The following RORA variants were observed in gnomAD, a reference collection of about 807,000 sequenced individuals.
RORA encodes the protein RAR related orphan receptor A, also known as nuclear receptor ROR-alpha.
In RORA, 7 loss-of-function variants were observed where a neutral mutation model predicts 69.5. The ratio of observed to expected loss-of-function variants is 0.10; its 90% CI spans 0.06 to 0.19. RORA has a LOEUF of 0.19. Ranked by LOEUF, RORA falls within the 10% of genes least tolerant of loss-of-function variation. The pLI, the probability that RORA is intolerant of heterozygous loss-of-function variation, is 1.00. For synonymous variants in RORA, 261 were observed against 240.8 expected, an observed-to-expected ratio of 1.08 and a Z score of -0.78; for missense variants, 457 against 663.0, an observed-to-expected ratio of 0.69 and a Z score of 3.41.
chr15:60,823,568 A>T (rs940491045), intron 1 of RORA, among the ~76,000 whole-genome samples: 16 of 152,222 alleles, frequency 1.1e-4, no homozygotes, highest in Admixed American at 1.3e-4. Flanking sequence ...ATGGATGGAT[A>T]GACATTAGGT....
intron 1 of RORA, among the ~76,000 whole-genome samples, chr15:61,050,989 T>A (rs1897266120): frequency 6.6e-6 from 1 of 152,186 alleles, no homozygotes; most frequent in Non-Finnish European, 1.5e-5. Flanking sequence ...TCCTCTGCAT[T>A]TCCCCAGAGG....
chr15:60,640,125 A>G (rs561197683), intron 2 of RORA, among the ~76,000 whole-genome samples: 2 of 152,314 alleles, frequency 1.3e-5, no homozygotes, highest in African/African-American at 2.4e-5. Flanking sequence ...AGATGTGGGT[A>G]AAATAATATT....
intron 1 of RORA, among the ~76,000 whole-genome samples, chr15:60,975,484 G>C (rs1157188955): frequency 6.6e-6 from 1 of 152,060 alleles, no homozygotes; most frequent in South Asian, 2.1e-4. Context: ...CAGTTTGCCA[G>C]ACTTAAAAAA....
At chr15:60,748,827 CT>C (rs1160371489) in intron 1 of RORA, among the ~76,000 whole-genome samples, 1 of 152,108 alleles carries the variant, frequency 6.6e-6, no homozygotes, top group Non-Finnish European at 1.5e-5. Flanking sequence ...GGAGATCAGT[CT>C]GCACTAGTGG....
At chr15:61,180,971 G>A (rs769417613) in intron 1 of RORA, among the ~76,000 whole-genome samples, 1 of 152,088 alleles carries the variant, frequency 6.6e-6, no homozygotes. Flanking sequence ...GGGTGTGGTG[G>A]TGTGCACCTA....
At chr15:60,501,971 A>G (rs182502225) in intron 8 of RORA, among the ~76,000 whole-genome samples, 78 of 152,272 alleles carry the variant, frequency 5.1e-4, no homozygotes, top group African/African-American at 1.7e-3. Flanking sequence ...TAAATTATAG[A>G]AATCCAAAAT....
chr15:61,185,582 G>C (rs1246637256), intron 1 of RORA, among the ~76,000 whole-genome samples: 9 of 152,144 alleles, frequency 5.9e-5, no homozygotes, highest in African/African-American at 2.2e-4. Context: ...AGAAATCTTA[G>C]ATTTGTCAGT....
At chr15:60,747,299 T>C (rs918732501) in intron 1 of RORA, among the ~76,000 whole-genome samples, 1 of 152,184 alleles carries the variant, frequency 6.6e-6, no homozygotes, top group Non-Finnish European at 1.5e-5. Context: ...GAGATGGGCA[T>C]GTTCAATGCT....
intron 1 of RORA, among the ~76,000 whole-genome samples, chr15:61,163,099 C>T (rs1304248324): frequency 6.6e-6 from 1 of 152,176 alleles, no homozygotes; most frequent in African/African-American, 2.4e-5. Context: ...TGATTTCCTT[C>T]CATCTATTTT....
intron 2 of RORA, among the ~76,000 whole-genome samples, chr15:60,566,855 G>A (rs1424286637): frequency 2.0e-5 from 3 of 152,152 alleles, no homozygotes; most frequent in Non-Finnish European, 2.9e-5. Flanking sequence ...GTAGAGTGGA[G>A]CAAATGGCTC....
intron 2 of RORA, among the ~76,000 whole-genome samples, chr15:60,540,574 C>CCCCCCCCCCCG (rs1555428642): frequency 3.9e-5 from 4 of 102,670 alleles, no homozygotes; most frequent in East Asian, 2.4e-4. Flanking sequence ...ACCCCCCCCC[C>CCCCCCCCCCCG]CCAAAACTGT....
chr15:60,787,212 T>C (rs2140344318), intron 1 of RORA, among the ~76,000 whole-genome samples: 1 of 152,346 alleles, frequency 6.6e-6, no homozygotes, highest in Admixed American at 6.5e-5. Context: ...GCCCTGTTAC[T>C]GCTCAAGCAG....
At chr15:60,776,979 G>A (rs1314976070) in intron 1 of RORA, among the ~76,000 whole-genome samples, 3 of 152,128 alleles carry the variant, frequency 2.0e-5, no homozygotes, top group East Asian at 1.9e-4. Context: ...TCCAAGACAT[G>A]AGTATTTGTC....
At chr15:60,994,050 T>G (rs897180948) in intron 1 of RORA, among the ~76,000 whole-genome samples, 8 of 152,214 alleles carry the variant, frequency 5.3e-5, no homozygotes, top group African/African-American at 1.9e-4. Flanking sequence ...AACTTTGGGT[T>G]CATCATGAAA....
intron 1 of RORA, among the ~76,000 whole-genome samples, chr15:60,857,384 C>T (rs756555063): frequency 2.7e-5 from 4 of 148,660 alleles, no homozygotes; most frequent in Non-Finnish European, 6.0e-5. Flanking sequence ...TCATGCACCC[C>T]AAATGGAAGT....
intron 1 of RORA, among the ~76,000 whole-genome samples, chr15:61,040,113 G>GAGATATATATATAT (rs1491216025): frequency 6.5e-5 from 3 of 46,302 alleles, no homozygotes; most frequent in African/African-American, 1.9e-4. Context: ...CACAAGCTTT[G>GAGATATATATATAT]ATATATATAT....
chr15:60,805,857 G>T (rs2072652902), intron 1 of RORA, among the ~76,000 whole-genome samples: 1 of 152,166 alleles, frequency 6.6e-6, no homozygotes, highest in Non-Finnish European at 1.5e-5. Flanking sequence ...CCCTTTTATA[G>T]CTCTATAATA....
chr15:60,677,936 TTGAC>T (rs1176703803), intron 2 of RORA, among the ~76,000 whole-genome samples: 1 of 152,240 alleles, frequency 6.6e-6, no homozygotes, highest in Non-Finnish European at 1.5e-5. Context: ...ACAGTGAAAG[TTGAC>T]TGCCTGCATC....
At chr15:60,502,645 C>A in intron 8 of RORA, 115 bp downstream of exon 8, 2 of 739,362 alleles carry the variant, frequency 2.7e-6, no homozygotes, top group South Asian at 1.7e-5. Flanking sequence ...GTATAAAACC[C>A]CTTAATTTTT....
Sources: allele counts gnomAD v4.1 joint callset (sites outside exome capture counted in the v4.1 genomes callset), GRCh38; gene constraint gnomAD v4.1.1; transcripts MANE v1.5; gene names NCBI Gene and HGNC (gene_info 2026-07-23, HGNC 2026-07-21).